The following NDUFAF6 variants were observed in gnomAD, a reference collection of about 807,000 sequenced individuals.
The protein encoded by NDUFAF6 is NADH dehydrogenase (ubiquinone) complex I, assembly factor 6.
A neutral mutation model predicts 40.8 loss-of-function variants in NDUFAF6; 45 were observed. The observed-to-expected ratio is 1.10, with a 90% CI of 0.87 to 1.42. The LOEUF (loss-of-function observed/expected upper bound fraction) is 1.42, where lower values mean the gene tolerates loss of function less well. Among genes scored for constraint, NDUFAF6 ranks in the 40% most tolerant of loss-of-function variants. The pLI, the probability that NDUFAF6 is intolerant of heterozygous loss-of-function variation, is 0.00. For missense variants in NDUFAF6, 435 were observed against 418.5 expected (o/e 1.04, Z -0.34); for synonymous variants, 185 against 155.9 (o/e 1.19, Z -1.39).
At chr8:94,980,590 C>T (rs1825355323) in intron 1 of NDUFAF6, among the ~76,000 whole-genome samples, 1 of 132,276 alleles carries the variant, frequency 7.6e-6, no homozygotes, top group Non-Finnish European at 1.5e-5. Context: ...ATTATAGGTG[C>T]CTGTCACCAC....
At chr8:95,059,632 T>C (rs1832517239), downstream of NDUFAF6, among the ~76,000 whole-genome samples, 1 of 152,110 alleles carries the variant, frequency 6.6e-6, no homozygotes, top group Non-Finnish European at 1.5e-5. Context: ...GTGGATCACC[T>C]GAGGTCACGA....
chr8:94,935,139 A>AGATAGATAGAT lies in NDUFAF6; in HGVS notation c.-935-10343_-935-10333dup, dbSNP rs1491447909. Among the ~76,000 whole-genome samples the AGATAGATAGAT allele has an allele frequency of 3.4e-5, 5 of 147,984 alleles. No individual in the cohort carries two copies. The East Asian group carries it at 9.9e-4, about 29-fold the overall frequency. On this transcript the variant is annotated intron_variant, in intron 1 of 14. Transcript: ENST00000396113. The stretch of plus-strand genomic sequence containing the variant: ...CATAGGTAGATAGATATAGATAGAT[A>AGATAGATAGAT]GATAGATAGATAGATAGATAGATAG...
chr8:95,059,233 C>G (rs1011057214), downstream of NDUFAF6, among the ~76,000 whole-genome samples: 2 of 152,132 alleles, frequency 1.3e-5, no homozygotes, highest in African/African-American at 4.8e-5. Context: ...TCGGCTCTCT[C>G]ATTTAAGTCT....
At chr8:94,943,211 A>G (rs1821708491) in intron 1 of NDUFAF6, among the ~76,000 whole-genome samples, 1 of 152,210 alleles carries the variant, frequency 6.6e-6, no homozygotes, top group African/African-American at 2.4e-5. Flanking sequence ...GGATGAGGCT[A>G]GGTGTGGAGG....
chr8:94,910,998 G>GT (rs1818744438), intron 1 of NDUFAF6, among the ~76,000 whole-genome samples: 1 of 152,166 alleles, frequency 6.6e-6, no homozygotes, highest in African/African-American at 2.4e-5. Flanking sequence ...AATGGAAAAT[G>GT]TTAAAGTAAG....
At position 95,058,013 on chromosome 8, in the gene NDUFAF6, G is replaced by A; in HGVS notation, c.*76G>A. ...TTAGGATTCTTATTTAGGAACAACA[G>A]GAAATGACTGTTAAGGAGAAAATGA... is the stretch of plus-strand genomic sequence containing the variant. On this transcript the variant is annotated 3_prime_UTR_variant, in exon 9 of 9. Coordinates refer to ENST00000396124, the MANE Select transcript of NDUFAF6 (RefSeq NM_152416.4). The A allele has an allele frequency of 6.6e-7, 1 of 1,521,372 alleles. No individual in the cohort carries two copies. The highest frequency in any genetic ancestry group is 8.9e-7 in the Non-Finnish European group (1 of 1,128,176). The allele number at this position is 1,521,372 out of a possible 1,614,324, so 94.2% of individuals were successfully genotyped here.
At chr8:95,013,599 C>T (rs1424296252) in intron 2 of NDUFAF6, among the ~76,000 whole-genome samples, 4 of 152,172 alleles carry the variant, frequency 2.6e-5, no homozygotes, top group South Asian at 4.1e-4. Context: ...TTGCATACCT[C>T]GATATACTAG....
intron 4 of NDUFAF6, among the ~76,000 whole-genome samples, chr8:95,111,967 G>A (rs1309225753): frequency 4.6e-5 from 7 of 152,062 alleles, no homozygotes; most frequent in Non-Finnish European, 1.0e-4. Flanking sequence ...TTTGCATCCT[G>A]ATTCTGCTGG....
intron 1 of NDUFAF6, chr8:94,930,769 A>G: frequency 6.3e-7 from 1 of 1,595,608 alleles, no homozygotes; most frequent in Non-Finnish European, 8.5e-7. Context: ...ATAACAGAGT[A>G]TGTTATTAAC....
intron 9 of NDUFAF6, chr8:95,067,538 C>G (rs1832731791): frequency 6.6e-6 from 1 of 152,066 alleles, no homozygotes; most frequent in Admixed American, 6.5e-5. Context: ...AGCCACCTAG[C>G]AGGGCTAGGG....
At chr8:95,045,262 G>A (rs537770567) in intron 4 of NDUFAF6, among the ~76,000 whole-genome samples, 52 of 152,184 alleles carry the variant, frequency 3.4e-4, no homozygotes, top group African/African-American at 1.2e-3. Context: ...AGTAAAGTCA[G>A]TTTATTTTGA....
rs781696114 is a variant in NDUFAF6, at chr8:95,047,017, C to A, written c.604C>A (p.His202Asn). The stretch of plus-strand genomic sequence containing the variant: ...AGGTATAAAGGATCTTCATGCAGAT[C>A]ATGCTGCAAGTCATATTGGAAAAGC... ...ILGIKDLHAD[H>N]AASHIGKAQG... Residue 202 changes from histidine (H) to asparagine (N), a missense_variant, in exon 6 of 9, where the codon CAT becomes AAT. His to Asn is a moderately conservative substitution (Grantham distance 68). Coordinates refer to ENST00000396124, the MANE Select transcript of NDUFAF6 (RefSeq NM_152416.4). 3 of 1,614,122 alleles carry A rather than the reference C, an allele frequency of 1.9e-6. No individual in the cohort carries two copies. Among genetic ancestry groups the A allele is most frequent in the Non-Finnish European group, 2.5e-6 (3 of 1,180,006 alleles).
intron 1 of NDUFAF6, among the ~76,000 whole-genome samples, chr8:94,938,852 C>A (rs1454706369): frequency 6.6e-6 from 1 of 152,238 alleles, no homozygotes; most frequent in African/African-American, 2.4e-5. Context: ...GTCGTGGGAA[C>A]ACCAGTTTAC....
chr8:94,955,592 G>A (rs1290652592), upstream of NDUFAF6, among the ~76,000 whole-genome samples: 1 of 152,184 alleles, frequency 6.6e-6, no homozygotes, highest in African/African-American at 2.4e-5. Context: ...GTGGAAATAG[G>A]ATGTTATTTA....
At chr8:94,992,255 A>AG (rs1236312529) in intron 2 of NDUFAF6, among the ~76,000 whole-genome samples, 1 of 152,306 alleles carries the variant, frequency 6.6e-6, no homozygotes, top group Non-Finnish European at 1.5e-5. Flanking sequence ...TGGGAGGCCA[A>AG]GGGGGGCAGA....
At chr8:95,090,852 C>T (rs528908838) in intron 2 of NDUFAF6, among the ~76,000 whole-genome samples, 20 of 152,206 alleles carry the variant, frequency 1.3e-4, no homozygotes, top group South Asian at 2.1e-4. Context: ...GCCTAGCATC[C>T]CAGCCCACAT....
chr8:95,117,749 T>C (rs375079623), downstream of NDUFAF6, among the ~76,000 whole-genome samples: 2 of 152,320 alleles, frequency 1.3e-5, no homozygotes, highest in Middle Eastern at 3.4e-3. Flanking sequence ...AAAATTCCTA[T>C]GCAAACTTTC....
At chr8:95,107,261 A>C (rs1434653743), downstream of NDUFAF6, among the ~76,000 whole-genome samples, 1 of 152,234 alleles carries the variant, frequency 6.6e-6, no homozygotes, top group African/African-American at 2.4e-5. Context: ...AGACTGGATA[A>C]AGCAAATGTG....
upstream of NDUFAF6, among the ~76,000 whole-genome samples, chr8:95,021,745 C>T (rs1291763740): frequency 6.6e-6 from 1 of 152,106 alleles, no homozygotes; most frequent in Admixed American, 6.6e-5. Flanking sequence ...TATAATAAAC[C>T]AGTAAATATA....
Sources: gnomAD v4.1 joint callset for allele counts (sites outside exome capture counted in the v4.1 genomes callset) on GRCh38, gnomAD v4.1.1 for gene constraint, MANE v1.5 for transcripts, NCBI Gene and HGNC (gene_info 2026-07-23, HGNC 2026-07-21) for gene names.